The following DCLK1 variants were observed in gnomAD, a reference collection of about 807,000 sequenced individuals.
DCLK1 encodes the protein serine/threonine-protein kinase DCLK1.
DCLK1 carries 16 observed loss-of-function variants against 86.2 expected under a neutral mutation model. The observed-to-expected ratio is 0.19, with a 90% CI of 0.13 to 0.28. The LOEUF (loss-of-function observed/expected upper bound fraction) is 0.28. Among genes scored for constraint, DCLK1 ranks in the 10% least tolerant of loss-of-function variants. DCLK1 has a pLI of 1.00. For synonymous variants in DCLK1, 369 were observed against 370.5 expected (o/e 1.00, Z 0.05); for missense variants, 590 against 940.2 (o/e 0.63, Z 4.87).
chr13:36,039,019 T>C (rs1312605272), intron 3 of DCLK1, among the ~76,000 whole-genome samples: 2 of 152,192 alleles, frequency 1.3e-5, no homozygotes, highest in African/African-American at 4.8e-5. Context: ...TCACATGACT[T>C]AGTAGTCATT....
At chr13:36,070,147 T>A (rs1322594678) in intron 3 of DCLK1, among the ~76,000 whole-genome samples, 2 of 152,170 alleles carry the variant, frequency 1.3e-5, no homozygotes, top group Non-Finnish European at 2.9e-5. Context: ...TGAAAAAAAA[T>A]ATGGTTTTTT....
intron 3 of DCLK1, among the ~76,000 whole-genome samples, chr13:36,041,929 C>T (rs1454323392): frequency 2.0e-5 from 3 of 152,134 alleles, no homozygotes; most frequent in Non-Finnish European, 4.4e-5. Context: ...AAAAATGACT[C>T]TATCTATAAG....
chr13:35,796,081 A>G (rs1032120238), intron 15 of DCLK1, among the ~76,000 whole-genome samples: 10 of 152,192 alleles, frequency 6.6e-5, no homozygotes, highest in Admixed American at 5.2e-4. Flanking sequence ...AATGATACTG[A>G]AAGTCTTCTG....
At chr13:36,118,535 T>C (rs181366869) in intron 2 of DCLK1, among the ~76,000 whole-genome samples, 72 of 152,210 alleles carry the variant, frequency 4.7e-4, no homozygotes, top group African/African-American at 1.7e-3. Flanking sequence ...GGAAATTAAG[T>C]TGACTTTGCA....
In DCLK1 at chr13:36,036,187, GT is replaced by G. The variant is rs957798293; in HGVS notation, c.723+75681del. ...ATGGAAACAACCTCACAACCTGGAA[GT>G]TTCTGCCTAAACTGCCTTTTAATTG... is the stretch of plus-strand genomic sequence containing the variant. On this transcript the variant is annotated intron_variant, in intron 3 of 16. Coordinates refer to ENST00000360631, the MANE Select transcript of DCLK1 (RefSeq NM_001330071.2). Among the ~76,000 whole-genome samples, 5 of 152,160 alleles carry G rather than the reference GT, an allele frequency of 3.3e-5. No homozygotes were observed. In the East Asian group the frequency reaches 7.7e-4, roughly 23 times the overall value.
chr13:35,891,809 C>A (rs1873661024), intron 4 of DCLK1, among the ~76,000 whole-genome samples: 1 of 152,010 alleles, frequency 6.6e-6, no homozygotes, highest in Non-Finnish European at 1.5e-5. Context: ...GTCTGAGGCC[C>A]CCTTCCCTCT....
At chr13:36,011,938 T>G (rs1454516132) in intron 3 of DCLK1, among the ~76,000 whole-genome samples, 1 of 150,638 alleles carries the variant, frequency 6.6e-6, no homozygotes, top group Admixed American at 6.6e-5. Flanking sequence ...ATATTTAGGA[T>G]AGTTAGCTCC....
At chr13:35,826,606 A>C (rs1013848598) in intron 10 of DCLK1, among the ~76,000 whole-genome samples, 3 of 150,858 alleles carry the variant, frequency 2.0e-5, no homozygotes, top group Admixed American at 6.6e-5. Context: ...TTCACCTATA[A>C]ATACAAATAA....
chr13:35,940,078 G>A (rs895840873), intron 4 of DCLK1, among the ~76,000 whole-genome samples: 8 of 152,080 alleles, frequency 5.3e-5, no homozygotes, highest in South Asian at 2.1e-4. Context: ...AAAACTAGCC[G>A]GGCATGGTGG....
At chr13:36,043,734 G>T (rs553845484) in intron 3 of DCLK1, among the ~76,000 whole-genome samples, 2 of 152,284 alleles carry the variant, frequency 1.3e-5, no homozygotes, top group African/African-American at 4.8e-5. Context: ...GAAGCAACAA[G>T]ACCTTTGAAA....
chr13:36,109,131 T>C (rs9546383), intron 3 of DCLK1, among the ~76,000 whole-genome samples: 32,418 of 152,208 alleles, frequency 0.21, 3,857 homozygotes, highest in East Asian at 0.44. Flanking sequence ...TAAGTCTTTA[T>C]GTTCTTTCCA....
At chr13:35,991,539 G>A (rs927209519) in intron 3 of DCLK1, among the ~76,000 whole-genome samples, 11 of 152,012 alleles carry the variant, frequency 7.2e-5, no homozygotes, top group Admixed American at 2.0e-4. Context: ...GTGCATGGCT[G>A]TGCATGCCCA....
intron 15 of DCLK1, among the ~76,000 whole-genome samples, chr13:35,803,908 A>G (rs2086973071): frequency 1.3e-5 from 2 of 151,564 alleles, no homozygotes; most frequent in Admixed American, 1.3e-4. Flanking sequence ...ATTCAAGCCT[A>G]TATCTGTCTT....
intron 4 of DCLK1, among the ~76,000 whole-genome samples, chr13:35,917,571 AAG>A (rs1408070062): frequency 6.6e-6 from 1 of 152,194 alleles, no homozygotes; most frequent in Non-Finnish European, 1.5e-5. Flanking sequence ...AGAAAAGAAA[AAG>A]AGAAAGCATG....
chr13:35,979,834 T>C (rs1316434215), intron 3 of DCLK1, among the ~76,000 whole-genome samples: 2 of 152,156 alleles, frequency 1.3e-5, no homozygotes, highest in Non-Finnish European at 2.9e-5. Flanking sequence ...CAACTGGACA[T>C]GAAGGATTCT....
At chr13:36,080,519 A>C (rs1884384792) in intron 3 of DCLK1, among the ~76,000 whole-genome samples, 1 of 152,200 alleles carries the variant, frequency 6.6e-6, no homozygotes, top group African/African-American at 2.4e-5. Context: ...AGTTTCCTTC[A>C]GTGGGCTGAA....
intron 4 of DCLK1, among the ~76,000 whole-genome samples, chr13:35,874,958 A>G (rs1872511970): frequency 6.6e-6 from 1 of 152,196 alleles, no homozygotes; most frequent in Non-Finnish European, 1.5e-5. Context: ...TTCCTCGTAC[A>G]TTTTTATCAC....
chr13:36,072,842 G>T (rs1884027919), intron 3 of DCLK1, among the ~76,000 whole-genome samples: 1 of 152,188 alleles, frequency 6.6e-6, no homozygotes, highest in African/African-American at 2.4e-5. Flanking sequence ...AAAGTTGGAA[G>T]TTTCTATAGA....
chr13:35,887,130 C>T (rs1282370829), intron 4 of DCLK1, among the ~76,000 whole-genome samples: 1 of 152,222 alleles, frequency 6.6e-6, no homozygotes. Flanking sequence ...CAGCTACCTA[C>T]AGTTGTCAGT....
Sources: gnomAD v4.1 joint callset for allele counts (sites outside exome capture counted in the v4.1 genomes callset) on GRCh38, gnomAD v4.1.1 for gene constraint, MANE v1.5 for transcripts, NCBI Gene and HGNC (gene_info 2026-07-23, HGNC 2026-07-21) for gene names.